ANKRD11: variants seen among roughly 807,000 people sequenced by gnomAD.
The protein encoded by ANKRD11 is ankyrin repeat domain 11.
In ANKRD11, 17 loss-of-function variants were observed where a neutral mutation model predicts 195.7. The ratio of observed to expected loss-of-function variants is 0.09; its 90% CI spans 0.06 to 0.13. The LOEUF (loss-of-function observed/expected upper bound fraction) is 0.13. Among genes scored for constraint, ANKRD11 ranks in the 10% least tolerant of loss-of-function variants. ANKRD11 has a pLI of 1.00. For synonymous variants in ANKRD11, 1,953 were observed against 1,528.1 expected (o/e 1.28, Z -6.49); for missense variants, 3,735 against 3,566.1 (o/e 1.05, Z -1.21).
At chr16:89,378,349 C>T (rs540167457) in intron 2 of ANKRD11, among the ~76,000 whole-genome samples, 11 of 152,166 alleles carry the variant, frequency 7.2e-5, no homozygotes, top group African/African-American at 2.7e-4. Context: ...GCCACTAATC[C>T]CCAAGTTGTT....
chr16:89,393,127 C>T (rs951911388), intron 2 of ANKRD11, among the ~76,000 whole-genome samples: 3 of 152,096 alleles, frequency 2.0e-5, no homozygotes, highest in African/African-American at 7.2e-5. Context: ...TACCTTCTCT[C>T]ACAGGAGCCT....
At chr16:89,424,245 C>A (rs1041298596) in intron 1 of ANKRD11, among the ~76,000 whole-genome samples, 3 of 152,096 alleles carry the variant, frequency 2.0e-5, no homozygotes, top group African/African-American at 7.2e-5. Flanking sequence ...AGTTCGAGAC[C>A]AGCGTGGCCA....
At chr16:89,357,322 C>T (rs904378613) in intron 2 of ANKRD11, among the ~76,000 whole-genome samples, 5 of 152,110 alleles carry the variant, frequency 3.3e-5, no homozygotes, top group African/African-American at 7.2e-5. Context: ...CCACGTGTCC[C>T]GGGGACAGGA....
chr16:89,405,736 A>G (rs1331226699), intron 2 of ANKRD11, among the ~76,000 whole-genome samples: 1 of 152,088 alleles, frequency 6.6e-6, no homozygotes, highest in Admixed American at 6.6e-5. Flanking sequence ...AGGCCTGTCC[A>G]CGAAGCTCCT....
At chr16:89,481,526 C>T (rs1297777632) in intron 1 of ANKRD11, among the ~76,000 whole-genome samples, 1 of 152,198 alleles carries the variant, frequency 6.6e-6, no homozygotes, top group Non-Finnish European at 1.5e-5. Context: ...CACTGCACTC[C>T]ACCCTGAGTG....
rs142480303 is a variant in ANKRD11, at chr16:89,312,573, A to C, written c.87+4360T>G. Among the ~76,000 whole-genome samples the C allele has an allele frequency of 8.1e-4, 123 of 152,310 alleles. 1 individual carries two copies. Among genetic ancestry groups the C allele is most frequent in the African/African-American group, 2.8e-3 (117 of 41,570 alleles). On this transcript the variant is annotated intron_variant, in intron 3 of 12. Coordinates refer to ENST00000301030, the MANE Select transcript of ANKRD11 (RefSeq NM_013275.6). The stretch of plus-strand genomic sequence containing the variant: ...CCCAGCAAGTCTGGCTTCCTCTGTG[A>C]TGCTGCTCTATGTCCTTTTCTGCCT...
chr16:89,320,242 C>T (rs1321571401), intron 2 of ANKRD11: 2 of 152,202 alleles, frequency 1.3e-5, no homozygotes, highest in East Asian at 1.9e-4. Context: ...GCTGCACAGC[C>T]GACCACACAA....
chr16:89,436,795 G>C (rs1034267853), intron 1 of ANKRD11, among the ~76,000 whole-genome samples: 3 of 152,190 alleles, frequency 2.0e-5, no homozygotes, highest in Non-Finnish European at 4.4e-5. Flanking sequence ...GTAACTGTGA[G>C]GGAATTAATA....
At position 89,281,173 on chromosome 16, in the gene ANKRD11, G is replaced by C; in HGVS notation, c.5369C>G (p.Ser1790Trp). Reference protein sequence around the residue: ...ARPLSTNLYRSVSVDIRRTPE... With the variant: ...ARPLSTNLYRWVSVDIRRTPE... ...GGTCCTCCTAATGTCGACAGAGACC[G>C]AGCGGTAAAGGTTTGTGGAGAGAGG... Residue 1790 changes from serine (S) to tryptophan (W), a missense_variant, in exon 9 of 13, where the codon TCG (serine) becomes TGG (tryptophan). By Grantham distance (177) the Ser-to-Trp change is radical. Coordinates refer to ENST00000301030, the MANE Select transcript of ANKRD11 (RefSeq NM_013275.6). The surrounding 1 kb of genome is among the most constrained non-coding windows in gnomAD (Gnocchi z 5.5). The C allele has an allele frequency of 6.2e-7, 1 of 1,614,186 alleles. No homozygotes were observed. The highest frequency in any genetic ancestry group is 8.5e-7 in the Non-Finnish European group (1 of 1,180,038).
chr16:89,487,687 T>C (rs1379751313), intron 1 of ANKRD11, among the ~76,000 whole-genome samples: 1 of 152,048 alleles, frequency 6.6e-6, no homozygotes, highest in Non-Finnish European at 1.5e-5. Context: ...GGCAGAGAAC[T>C]GCTTGAACCC....
chr16:89,368,163 A>T (rs542709303), intron 2 of ANKRD11, among the ~76,000 whole-genome samples: 2 of 151,714 alleles, frequency 1.3e-5, no homozygotes, highest in Middle Eastern at 3.4e-3. Flanking sequence ...GATTCCAACA[A>T]TTCCAACATA....
At position 89,402,636 on chromosome 16, in the gene ANKRD11, T is replaced by TG. The variant is rs1011878932; in HGVS notation, c.-60+15647dup. Among the ~76,000 whole-genome samples the TG allele has an allele frequency of 1.3e-3, 49 of 36,574 alleles. No individual in the cohort carries two copies. The East Asian group carries it at 0.016, about 12-fold the overall frequency. The allele number at this position is 36,574 out of a possible 152,430, so 24.0% of individuals were successfully genotyped here. A position where few individuals can be genotyped will look rare whatever the true frequency, so the allele number is the denominator to read the frequency against. On this transcript the variant is annotated intron_variant, in intron 2 of 12. Coordinates refer to ENST00000301030, the MANE Select transcript of ANKRD11 (RefSeq NM_013275.6). ...GTTCAAGCCTTGAGTGAGCTGTGGG[T>TG]GGGGGGGGCAGCACTGCAGGGTGAG...
intron 1 of ANKRD11, among the ~76,000 whole-genome samples, chr16:89,430,393 TCTCAACTCTCACG>T (rs2042925653): frequency 6.8e-6 from 1 of 147,520 alleles, no homozygotes; most frequent in Middle Eastern, 3.7e-3. Flanking sequence ...CAGCAGGGAC[TCTCAACTCTCACG>T]CTCAGTCGTT....
At chr16:89,355,020 C>T (rs1399987430) in intron 2 of ANKRD11, among the ~76,000 whole-genome samples, 1 of 152,186 alleles carries the variant, frequency 6.6e-6, no homozygotes, top group African/African-American at 2.4e-5. Context: ...TGAAGACCCA[C>T]CAGATGCAGG....
In ANKRD11 at chr16:89,419,533, A is replaced by G. The variant is rs536484359; in HGVS notation, c.-144-1165T>C. ...GGGGACTCCAAGAATAAAACAAACCAGTCTAAATGGGGGAAAAAAAATCTA... is the reference window on the plus strand; with the variant it reads ...GGGGACTCCAAGAATAAAACAAACCGGTCTAAATGGGGGAAAAAAAATCTA... On this transcript the variant is annotated intron_variant, in intron 1 of 12. Coordinates refer to ENST00000301030, the MANE Select transcript of ANKRD11 (RefSeq NM_013275.6). Among the ~76,000 whole-genome samples the G allele has an allele frequency of 9.2e-5, 14 of 152,102 alleles. 1 individual carries two copies. In the East Asian group the frequency reaches 2.7e-3, roughly 29 times the overall value.
intron 1 of ANKRD11, among the ~76,000 whole-genome samples, chr16:89,479,237 G>T (rs1352966816): frequency 2.0e-5 from 3 of 151,856 alleles, no homozygotes; most frequent in Non-Finnish European, 4.4e-5. Context: ...ACGGCCAGAC[G>T]CAGTGGCGAG....
chr16:89,415,151 G>C (rs539830550), intron 2 of ANKRD11, among the ~76,000 whole-genome samples: 8 of 151,146 alleles, frequency 5.3e-5, no homozygotes, highest in Non-Finnish European at 1.2e-4. Context: ...ATGCGGTCTC[G>C]TCATGTTACT....
intron 1 of ANKRD11, among the ~76,000 whole-genome samples, chr16:89,462,641 C>G (rs1346575887): frequency 6.6e-6 from 1 of 151,680 alleles, no homozygotes; most frequent in Non-Finnish European, 1.5e-5. Flanking sequence ...TCTTCCCGGC[C>G]GCCATCACAT....
intron 1 of ANKRD11, among the ~76,000 whole-genome samples, chr16:89,470,237 G>A (rs1377875873): frequency 6.6e-6 from 1 of 152,022 alleles, no homozygotes; most frequent in Non-Finnish European, 1.5e-5. Context: ...ATTCTTACAA[G>A]AAAACCAAAA....
Sources: allele counts gnomAD v4.1 joint callset (sites outside exome capture counted in the v4.1 genomes callset), GRCh38; gene constraint gnomAD v4.1.1; non-coding constraint Gnocchi (gnomAD v3.1); transcripts MANE v1.5; gene names NCBI Gene and HGNC (gene_info 2026-07-23, HGNC 2026-07-21).